KIAA0232: variants seen among roughly 807,000 people sequenced by gnomAD.
KIAA0232 encodes the protein KIAA0232.
A neutral mutation model predicts 122.0 loss-of-function variants in KIAA0232; 27 were observed. The observed-to-expected ratio is 0.22, with a 90% CI of 0.16 to 0.31. KIAA0232 has a LOEUF of 0.31. KIAA0232 is among the 10% of genes least tolerant of loss of function. KIAA0232 has a pLI of 1.00. For synonymous variants in KIAA0232, 613 were observed against 587.6 expected, an observed-to-expected ratio of 1.04 and a Z score of -0.63; for missense variants, 1,551 against 1,634.2, an observed-to-expected ratio of 0.95 and a Z score of 0.88.
intron 2 of KIAA0232, among the ~76,000 whole-genome samples, chr4:6,807,357 A>G (rs1418158502): frequency 1.3e-5 from 2 of 152,230 alleles, no homozygotes; most frequent in Admixed American, 6.5e-5. Context: ...ATTCATTTTA[A>G]TTGTCACTGG....
intron 3 of KIAA0232, among the ~76,000 whole-genome samples, chr4:6,841,660 A>G (rs1719669143): frequency 6.6e-6 from 1 of 152,210 alleles, no homozygotes; most frequent in Non-Finnish European, 1.5e-5. Flanking sequence ...CTTGTTTAGA[A>G]TATAGAGAAA....
rs35703069 is a variant in KIAA0232, at chr4:6,823,724, C to CAA, written c.-269-448_-269-447dup. 1.9e-3 allele frequency among the ~76,000 whole-genome samples: 264 copies of CAA among 139,804 alleles called. 1 individual carries two copies. Among genetic ancestry groups the CAA allele is most frequent in the African/African-American group, 6.4e-3 (242 of 37,830 alleles). 91.7% of individuals were successfully genotyped at this position (139,804 alleles called of 152,430 possible). A position where few individuals can be genotyped will look rare whatever the true frequency, so the allele number is the denominator to read the frequency against. ...TTACTAGTCCAATCTCTTGAGATAGCAAAAAAAAAAAAAATTGGTATAATT... is the reference window on the plus strand; with the variant it reads ...TTACTAGTCCAATCTCTTGAGATAGCAAAAAAAAAAAAAAAATTGGTATAATT... On this transcript the variant is annotated intron_variant, in intron 2 of 9. Transcript: ENST00000307659.
At chr4:6,826,312 T>C (rs1718681952) in intron 3 of KIAA0232, among the ~76,000 whole-genome samples, 1 of 152,196 alleles carries the variant, frequency 6.6e-6, no homozygotes, top group Admixed American at 6.5e-5. Flanking sequence ...TGGTGGTCAG[T>C]ATTTTGTATA....
chr4:6,865,586 C>T (rs1360377250), intron 7 of KIAA0232, among the ~76,000 whole-genome samples: 3 of 152,268 alleles, frequency 2.0e-5, no homozygotes, highest in Admixed American at 6.5e-5. Flanking sequence ...CAGGCGTGAG[C>T]CACCGCGTCC....
At chr4:6,827,582 A>G (rs1316080807) in intron 3 of KIAA0232, among the ~76,000 whole-genome samples, 1 of 152,228 alleles carries the variant, frequency 6.6e-6, no homozygotes, top group Non-Finnish European at 1.5e-5. Context: ...ATGAGCGGCC[A>G]GTTTGAAGAC....
intron 3 of KIAA0232, among the ~76,000 whole-genome samples, chr4:6,832,771 G>A (rs1577381568): frequency 1.3e-5 from 2 of 152,312 alleles, no homozygotes; most frequent in South Asian, 2.1e-4. Flanking sequence ...TTCTTTCTCA[G>A]GTCTGTGACT....
At chr4:6,878,096 C>T (rs538578286) in intron 9 of KIAA0232, among the ~76,000 whole-genome samples, 7 of 152,126 alleles carry the variant, frequency 4.6e-5, no homozygotes, top group South Asian at 2.1e-4. Context: ...TTATGTCAGC[C>T]GGGCGCTGTG....
At chr4:6,847,952 G>A (rs765580915) in intron 4 of KIAA0232, among the ~76,000 whole-genome samples, 7 of 152,184 alleles carry the variant, frequency 4.6e-5, no homozygotes, top group Non-Finnish European at 8.8e-5. Flanking sequence ...CTTTGAGGAT[G>A]GTTAGAAGAT....
intron 3 of KIAA0232, among the ~76,000 whole-genome samples, chr4:6,827,241 T>C (rs1290738134): frequency 6.6e-6 from 1 of 152,218 alleles, no homozygotes; most frequent in African/African-American, 2.4e-5. Context: ...TCCGTGAAGT[T>C]ACAGTCCCTT....
chr4:6,794,435 C>T (rs986720769), intron 1 of KIAA0232, among the ~76,000 whole-genome samples: 5 of 152,140 alleles, frequency 3.3e-5, no homozygotes, highest in Non-Finnish European at 5.9e-5. Flanking sequence ...AGCAGGGCAC[C>T]TTCATAGTGG....
chr4:6,824,248 C>G lies in KIAA0232; in HGVS notation c.-206C>G, dbSNP rs774148662. The G allele has an allele frequency of 1.7e-6, 1 of 594,798 alleles. No individual in the cohort carries two copies. Among genetic ancestry groups the G allele is most frequent in the Non-Finnish European group, 3.0e-6 (1 of 332,218 alleles). The allele number at this position is 594,798 out of a possible 1,614,324, so 36.8% of individuals were successfully genotyped here. On this transcript the variant is annotated 5_prime_UTR_variant, in exon 3 of 10. Coordinates refer to ENST00000307659, the MANE Select transcript of KIAA0232 (RefSeq NM_014743.3). ...TAAAGTAGAAAATCACATCTACATGCATGTTGCTATCAGGATGTTGATTCA... is the reference window on the plus strand; with the variant it reads ...TAAAGTAGAAAATCACATCTACATGGATGTTGCTATCAGGATGTTGATTCA...
intron 3 of KIAA0232, among the ~76,000 whole-genome samples, chr4:6,837,513 G>A (rs1719382478): frequency 6.6e-6 from 1 of 152,198 alleles, no homozygotes; most frequent in East Asian, 1.9e-4. Flanking sequence ...AGACGGGGTG[G>A]CGGCCAGGCA....
At chr4:6,800,652 G>A (rs934858445) in intron 1 of KIAA0232, among the ~76,000 whole-genome samples, 1 of 151,642 alleles carries the variant, frequency 6.6e-6, no homozygotes, top group African/African-American at 2.4e-5. Context: ...CTGCACTGCA[G>A]CCTGGGCGAC....
chr4:6,811,747 ATTTTTT>A (rs10709832), intron 2 of KIAA0232, among the ~76,000 whole-genome samples: 19 of 103,930 alleles, frequency 1.8e-4, no homozygotes, highest in African/African-American at 3.8e-4. Flanking sequence ...GCCTGGCCTA[ATTTTTT>A]TTTTTTTTTT....
At chr4:6,842,331 T>TGAA in intron 4 of KIAA0232, 127 bp downstream of exon 4, 1 of 897,918 alleles carries the variant, frequency 1.1e-6, no homozygotes, top group Non-Finnish European at 1.7e-6. Flanking sequence ...CCAAGTAACA[T>TGAA]GAACATTACC....
intron 7 of KIAA0232, among the ~76,000 whole-genome samples, chr4:6,869,284 A>G (rs915721007): frequency 6.6e-6 from 1 of 152,250 alleles, no homozygotes; most frequent in Non-Finnish European, 1.5e-5. Flanking sequence ...TCATTCCTGC[A>G]AAGAGCTTTT....
intron 1 of KIAA0232, among the ~76,000 whole-genome samples, chr4:6,797,571 A>G (rs1228413984): frequency 1.4e-5 from 2 of 147,616 alleles, no homozygotes; most frequent in African/African-American, 5.1e-5. Flanking sequence ...GGAATTCGAG[A>G]CCAGCCTGGG....
intron 8 of KIAA0232, among the ~76,000 whole-genome samples, chr4:6,872,851 G>A (rs531188980): frequency 4.0e-4 from 61 of 152,352 alleles, no homozygotes; most frequent in African/African-American, 1.4e-3. Flanking sequence ...GGCAGCATGG[G>A]CTATAGCTGA....
At position 6,830,810 on chromosome 4, in the gene KIAA0232, T is replaced by A. The variant is rs368859330; in HGVS notation, c.231+6126T>A. On this transcript the variant is annotated intron_variant, in intron 3 of 9. Transcript: ENST00000307659. ...TCCAGCAGAAAGAGCAGGCTTCTCA[T>A]CCTAATAGGTCATCTTTGCTATGGA... 8.5e-5 allele frequency among the ~76,000 whole-genome samples: 13 copies of A among 152,212 alleles called. No individual in the cohort carries two copies. In the East Asian group the frequency reaches 2.5e-3, roughly 30 times the overall value.
Sources: allele counts gnomAD v4.1 joint callset (sites outside exome capture counted in the v4.1 genomes callset), GRCh38; gene constraint gnomAD v4.1.1; transcripts MANE v1.5; gene names NCBI Gene and HGNC (gene_info 2026-07-23, HGNC 2026-07-21).